The following TSPAN15 variants were observed in gnomAD, a reference collection of about 807,000 sequenced individuals.
The protein encoded by TSPAN15 is tetraspanin-15.
Under a neutral mutation model 34.5 loss-of-function variants are expected in TSPAN15, and 20 were observed. The observed-to-expected ratio is 0.58, with a 90% CI of 0.41 to 0.84. The LOEUF (loss-of-function observed/expected upper bound fraction) is 0.84, where lower values mean the gene tolerates loss of function less well. TSPAN15 is among the 40% of genes least tolerant of loss of function. The pLI is 0.00. For synonymous variants in TSPAN15, 155 were observed against 153.9 expected, an observed-to-expected ratio of 1.01 and a Z score of -0.05; for missense variants, 313 against 386.1, an observed-to-expected ratio of 0.81 and a Z score of 1.59.
chr10:69,527,997 T>C, the TSPAN15 span, among the ~76,000 whole-genome samples: 4 of 148,546 alleles, frequency 2.7e-5, no homozygotes, highest in Admixed American at 2.8e-4. Context: ...GCTGGAAACC[T>C]CTGTGGCCAG....
At chr10:69,538,835 C>G in the TSPAN15 span, among the ~76,000 whole-genome samples, 1 of 152,196 alleles carries the variant, frequency 6.6e-6, no homozygotes, top group African/African-American at 2.4e-5. Flanking sequence ...CAGCTCCCTG[C>G]AAAGAGCTAG....
chr10:69,471,664 G>A (rs973398817), intron 1 of TSPAN15, among the ~76,000 whole-genome samples: 1 of 134,030 alleles, frequency 7.5e-6, no homozygotes, highest in Non-Finnish European at 1.5e-5. Flanking sequence ...TTGCAATCTC[G>A]GCTCACTGCA....
intron 3 of TSPAN15, among the ~76,000 whole-genome samples, chr10:69,489,965 A>C (rs1447644906): frequency 6.6e-6 from 1 of 152,178 alleles, no homozygotes; most frequent in Non-Finnish European, 1.5e-5. Flanking sequence ...CAGGTGTCAG[A>C]GGTGGGCAGC....
intron 3 of TSPAN15, among the ~76,000 whole-genome samples, chr10:69,490,442 C>T (rs905057643): frequency 2.6e-5 from 4 of 152,180 alleles, no homozygotes; most frequent in South Asian, 4.1e-4. Context: ...AATACAGGGC[C>T]AGGTGCGGTG....
intron 1 of TSPAN15, among the ~76,000 whole-genome samples, chr10:69,478,606 TTTTTTTGTGCCAGGGACCC>T (rs1021369799): frequency 1.3e-5 from 2 of 152,124 alleles, no homozygotes; most frequent in African/African-American, 2.4e-5. Flanking sequence ...CCAGGGGTTC[TTTTTTTGTGCCAGGGACCC>T]TTTGGTTCTC....
the TSPAN15 span, among the ~76,000 whole-genome samples, chr10:69,530,081 C>T: frequency 6.8e-6 from 1 of 147,830 alleles, no homozygotes; most frequent in Non-Finnish European, 1.5e-5. Flanking sequence ...ATAGGTATCT[C>T]ACATTTTCTT....
chr10:69,544,300 G>C, the TSPAN15 span, among the ~76,000 whole-genome samples: 2 of 152,184 alleles, frequency 1.3e-5, no homozygotes, highest in African/African-American at 2.4e-5. Flanking sequence ...AATAGAAAAA[G>C]TAGAAGCTAA....
chr10:69,459,790 C>T (rs931681459), intron 1 of TSPAN15, among the ~76,000 whole-genome samples: 1 of 139,028 alleles, frequency 7.2e-6, no homozygotes, highest in Non-Finnish European at 1.6e-5. Context: ...GACCAGCTCT[C>T]TGAGCCTCCG....
At chr10:69,532,425 G>A in the TSPAN15 span, among the ~76,000 whole-genome samples, 4 of 152,144 alleles carry the variant, frequency 2.6e-5, no homozygotes, top group African/African-American at 9.7e-5. Flanking sequence ...AACATAACAT[G>A]GGGAAAGGAC....
the TSPAN15 span, among the ~76,000 whole-genome samples, chr10:69,536,189 T>C: frequency 6.6e-6 from 1 of 152,212 alleles, no homozygotes; most frequent in Non-Finnish European, 1.5e-5. Context: ...ACCTATCCCT[T>C]CCTGACTCCA....
chr10:69,490,953 C>T (rs563100371), intron 3 of TSPAN15, among the ~76,000 whole-genome samples: 5 of 152,360 alleles, frequency 3.3e-5, no homozygotes, highest in South Asian at 2.1e-4. Context: ...TACAGCAGAG[C>T]GGTCGGCCTT....
In TSPAN15 at chr10:69,507,660, T is replaced by TG. The variant is rs1564619064; in HGVS notation, c.*682_*683insG. On this transcript the variant is annotated 3_prime_UTR_variant, in exon 8 of 8. Coordinates refer to ENST00000373290, the MANE Select transcript of TSPAN15 (RefSeq NM_012339.5). ...CAAACAATAAAAACATGTTTTTTTTTTTTTTTTTTTTTTGCCTTTCCTGTG... is the reference window on the plus strand; with the variant it reads ...CAAACAATAAAAACATGTTTTTTTTTGTTTTTTTTTTTTTGCCTTTCCTGTG... 8.6e-7 allele frequency: 1 copy of TG among 1,161,108 alleles called. No individual in the cohort carries two copies. The highest frequency in any genetic ancestry group is 1.4e-5 in the South Asian group (1 of 69,506). 71.9% of individuals were successfully genotyped at this position (1,161,108 alleles called of 1,614,324 possible).
intron 3 of TSPAN15, among the ~76,000 whole-genome samples, chr10:69,494,450 G>C (rs1231450199): frequency 6.6e-6 from 1 of 152,218 alleles, no homozygotes; most frequent in Non-Finnish European, 1.5e-5. Flanking sequence ...TTTTCCTCCT[G>C]ATTTTGCAGG....
intron 1 of TSPAN15, among the ~76,000 whole-genome samples, chr10:69,456,640 T>A: frequency 6.6e-6 from 1 of 152,164 alleles, no homozygotes; most frequent in Non-Finnish European, 1.5e-5. Context: ...CTGGATGTCA[T>A]GGGTGCTGAA....
At chr10:69,530,820 C>A in the TSPAN15 span, among the ~76,000 whole-genome samples, 433 of 30,674 alleles carry the variant, frequency 0.014, 7 homozygotes, top group Non-Finnish European at 0.015. Context: ...CTCTCTCTCT[C>A]TATATATATA....
At chr10:69,476,376 A>G (rs1564605102) in intron 1 of TSPAN15, among the ~76,000 whole-genome samples, 1 of 152,108 alleles carries the variant, frequency 6.6e-6, no homozygotes, top group East Asian at 1.9e-4. Context: ...TGGTTTGATC[A>G]ATGTGCTCTG....
intron 1 of TSPAN15, among the ~76,000 whole-genome samples, chr10:69,478,405 G>A (rs1383009290): frequency 3.3e-5 from 5 of 152,182 alleles, no homozygotes; most frequent in African/African-American, 1.2e-4. Flanking sequence ...CCAACACGGA[G>A]CCCTGGACCT....
chr10:69,460,705 C>T (rs1841232972), intron 1 of TSPAN15, among the ~76,000 whole-genome samples: 1 of 152,120 alleles, frequency 6.6e-6, no homozygotes, highest in South Asian at 2.1e-4. Context: ...CTGGGCTGGA[C>T]AGGGGGTCTT....
chr10:69,490,418 A>G (rs1841943615), intron 3 of TSPAN15, among the ~76,000 whole-genome samples: 1 of 152,206 alleles, frequency 6.6e-6, no homozygotes, highest in Non-Finnish European at 1.5e-5. Context: ...CTCCTAGATT[A>G]CTTGCAAATA....
Sources: gnomAD v4.1 joint callset for allele counts (sites outside exome capture counted in the v4.1 genomes callset) on GRCh38, gnomAD v4.1.1 for gene constraint, MANE v1.5 for transcripts, NCBI Gene and HGNC (gene_info 2026-07-23, HGNC 2026-07-21) for gene names.